The following ZC3H7B variants were observed in gnomAD, a reference collection of about 807,000 sequenced individuals.
ZC3H7B encodes zinc finger CCCH-type containing 7B, also known as zinc finger CCCH domain-containing protein 7B.
A neutral mutation model predicts 116.0 loss-of-function variants in ZC3H7B; 35 were observed. The observed-to-expected ratio is 0.30, with a 90% CI of 0.23 to 0.40. The LOEUF is 0.40. Ranked by LOEUF, ZC3H7B falls within the 10% of genes least tolerant of loss-of-function variation. The pLI is 1.00. For synonymous variants in ZC3H7B, 502 were observed against 545.6 expected, an observed-to-expected ratio of 0.92 and a Z score of 1.11; for missense variants, 1,011 against 1,321.5, an observed-to-expected ratio of 0.77 and a Z score of 3.64.
intron 10 of ZC3H7B, 142 bp from the exon 11 acceptor site, chr22:41,340,944 TAG>T: frequency 1.5e-6 from 1 of 685,798 alleles, no homozygotes; most frequent in Non-Finnish European, 2.4e-6. Flanking sequence ...GAGGAGAGGA[TAG>T]AGTCAGGGGT....
At position 41,356,015 on chromosome 22, in the gene ZC3H7B, A is replaced by G; in HGVS notation, c.2336A>G (p.His779Arg). The G allele has an allele frequency of 6.4e-7, 1 of 1,569,638 alleles. No homozygotes were observed. The highest frequency in any genetic ancestry group is 8.6e-7 in the Non-Finnish European group (1 of 1,160,120). The change falls in exon 20 of 23, where the codon CAC becomes CGC. Residue 779 changes from histidine (H) to arginine (R), a missense_variant. This residue lies in a region of ZC3H7B where 406 missense variants were observed against 590.2 expected (regional missense o/e 0.69). Coordinates refer to ENST00000352645, the MANE Select transcript of ZC3H7B (RefSeq NM_017590.6). ...CQYVGNCSFAHSPEERDMWTF... is the reference protein window; with the variant it reads ...CQYVGNCSFARSPEERDMWTF... The stretch of plus-strand genomic sequence containing the variant: ...TATGTGGGGAACTGCTCCTTCGCAC[A>G]CAGCCCGGAGGAGAGGGACATGTGG...
At chr22:41,343,687 C>T in intron 13 of ZC3H7B, 111 bp downstream of exon 13, 4 of 1,379,898 alleles carry the variant, frequency 2.9e-6, no homozygotes, top group Non-Finnish European at 3.8e-6. Flanking sequence ...GGCCTCACAG[C>T]TGCACGGGAG....
chr22:41,310,271 A>G (rs1169084276), intron 1 of ZC3H7B, among the ~76,000 whole-genome samples: 1 of 152,214 alleles, frequency 6.6e-6, no homozygotes, highest in Non-Finnish European at 1.5e-5. Flanking sequence ...TACAGCACCC[A>G]GTTTAGCAGA....
At chr22:41,350,528 T>C (rs894198571) in intron 16 of ZC3H7B, among the ~76,000 whole-genome samples, 1 of 151,536 alleles carries the variant, frequency 6.6e-6, no homozygotes, top group African/African-American at 2.4e-5. Context: ...AGATTCTAGG[T>C]GTATTTTGAG....
rs767698786 is a variant in ZC3H7B at position 41,356,730 on chromosome 22, A to G, written c.2603A>G (p.Glu868Gly). ...QQHIQSEKHK[E>G]KVFTSDSDAS... ...CACATCCAGTCCGAGAAGCACAAGG[A>G]GAAGGTCTTCACGTCCGACAGTGAC... Residue 868 changes from glutamate to glycine, a missense_variant, in exon 22 of 23, where the codon GAG (glutamate) becomes GGG (glycine). Physicochemically the swap from Glu to Gly is moderately conservative, Grantham distance 98. Around this residue, in one of 5 missense-constraint regions of ZC3H7B, gnomAD observed 406 missense variants for 590.2 expected, o/e 0.69. Transcript: ENST00000352645. 1 of 1,613,706 alleles carries G rather than the reference A, an allele frequency of 6.2e-7. No individual in the cohort carries two copies. Among genetic ancestry groups the G allele is most frequent in the South Asian group, 1.1e-5 (1 of 91,088 alleles).
At chr22:41,332,772 T>C (rs894475309) in intron 7 of ZC3H7B, 1 of 152,810 alleles carries the variant, frequency 6.5e-6, no homozygotes, top group African/African-American at 2.4e-5. Flanking sequence ...GGTCCTTCAG[T>C]TTCTGCATTC....
rs1437805594 is a variant in ZC3H7B at position 41,327,874 on chromosome 22, A to G, written c.444+510A>G. Among the ~76,000 whole-genome samples, 1 of 152,250 alleles carries G rather than the reference A, an allele frequency of 6.6e-6. No homozygotes were observed. Among genetic ancestry groups the G allele is most frequent in the Admixed American group, 6.5e-5 (1 of 15,282 alleles). On this transcript the variant is annotated intron_variant, in intron 5 of 22. Transcript: ENST00000352645. This position sits in a 1 kb window ranked among gnomAD's most constrained non-coding sequence, Gnocchi z 4.5. ...CACAGTGGCTCATGCCTGTAATCCC[A>G]GCACTGTGGGAGGCCAAGGCGGGAG...
At chr22:41,333,672 C>T (rs1050451156) in intron 7 of ZC3H7B, 18 of 152,120 alleles carry the variant, frequency 1.2e-4, no homozygotes, top group African/African-American at 4.1e-4. Flanking sequence ...GGTGCTCCAA[C>T]GAGAAAACAT....
intron 7 of ZC3H7B, chr22:41,336,077 C>T (rs1422355242): frequency 6.6e-6 from 1 of 152,414 alleles, no homozygotes; most frequent in Non-Finnish European, 1.5e-5. Flanking sequence ...CAGGGCCTCA[C>T]CAGGGAAGCA....
At position 41,327,470 on chromosome 22, in the gene ZC3H7B, C is replaced by A. The variant is rs1160945857; in HGVS notation, c.444+106C>A. On this transcript the variant is annotated intron_variant, in intron 5 of 22. Coordinates refer to ENST00000352645, the MANE Select transcript of ZC3H7B (RefSeq NM_017590.6). This position sits in a 1 kb window ranked among gnomAD's most constrained non-coding sequence, Gnocchi z 4.5. ...ACCACATCCTTCTGTGTCTCACTTC[C>A]TCCCCTGTGACATGGCCATGCAGAT... 6.2e-6 allele frequency: 9 copies of A among 1,441,972 alleles called. No homozygotes were observed. The Admixed American group carries it at 1.4e-4, about 22-fold the overall frequency. 89.3% of individuals were successfully genotyped at this position (1,441,972 alleles called of 1,614,324 possible).
In ZC3H7B at chr22:41,339,022, G is replaced by C. The variant is rs760946588; in HGVS notation, c.647G>C (p.Gly216Ala). 2 of 1,593,588 alleles carry C rather than the reference G, an allele frequency of 1.3e-6. No individual in the cohort carries two copies. Among genetic ancestry groups the C allele is most frequent in the Admixed American group, 3.4e-5 (2 of 58,688 alleles). The change falls in exon 9 of 23, where the codon GGC becomes GCC. Residue 216 changes from glycine (G) to alanine (A), a missense_variant. Transcript: ENST00000352645. ...IETDCYVDPR[G>A]SPALLPSTPT... ...GCAGACTGCTACGTGGACCCTCGAG[G>C]CTCCCCAGCCCTTCTCCCCTCCACG...
intron 9 of ZC3H7B, among the ~76,000 whole-genome samples, chr22:41,339,557 C>T (rs779999589): frequency 4.1e-5 from 6 of 147,550 alleles, no homozygotes; most frequent in African/African-American, 1.3e-4. Flanking sequence ...ACCCGGGAGG[C>T]GGAGGTTGCA....
chr22:41,318,858 C>T (rs1395439497), intron 1 of ZC3H7B, among the ~76,000 whole-genome samples: 1 of 152,192 alleles, frequency 6.6e-6, no homozygotes, highest in Non-Finnish European at 1.5e-5. Flanking sequence ...CTCAGATACA[C>T]CAACAAGGCA....
chr22:41,310,902 C>T (rs569475307), intron 1 of ZC3H7B, among the ~76,000 whole-genome samples: 1 of 151,916 alleles, frequency 6.6e-6, no homozygotes, highest in South Asian at 2.1e-4. Flanking sequence ...GTAGCTGGGA[C>T]TACAGGTGCC....
chr22:41,330,231 A>G (rs117271688), intron 6 of ZC3H7B, 128 bp downstream of exon 6: 5 of 874,312 alleles, frequency 5.7e-6, no homozygotes, highest in Non-Finnish European at 7.0e-6. Flanking sequence ...GAGTGACAGC[A>G]GGTGATCTTC....
intron 13 of ZC3H7B, among the ~76,000 whole-genome samples, chr22:41,344,442 C>G (rs2036560816): frequency 1.3e-5 from 2 of 152,342 alleles, no homozygotes; most frequent in East Asian, 1.9e-4. Context: ...CCCCCTCACC[C>G]CTCTGCCCTA....
Position 41,351,369 on chromosome 22 carries a change from C to T in ZC3H7B, c.1949-192C>T, listed in dbSNP as rs1230193018. On this transcript the variant is annotated intron_variant, in intron 16 of 22. Transcript: ENST00000352645. The surrounding 1 kb of genome is among the most constrained non-coding windows in gnomAD (Gnocchi z 5.1). ...TAATTCTTTCACTTCCAGTGAGGCTCGGAGCAGGTCTTTGTTCCCATTTTG... is the reference window on the plus strand; with the variant it reads ...TAATTCTTTCACTTCCAGTGAGGCTTGGAGCAGGTCTTTGTTCCCATTTTG... Among the ~76,000 whole-genome samples, 2 of 152,196 alleles carry T rather than the reference C, an allele frequency of 1.3e-5. No individual in the cohort carries two copies. Among genetic ancestry groups the T allele is most frequent in the African/African-American group, 2.4e-5 (1 of 41,446 alleles).
rs79777892 is a variant in ZC3H7B at position 41,327,529 on chromosome 22, G to T, written c.444+165G>T. Among the ~76,000 whole-genome samples, 1 of 152,216 alleles carries T rather than the reference G, an allele frequency of 6.6e-6. No individual in the cohort carries two copies. Among genetic ancestry groups the T allele is most frequent in the Non-Finnish European group, 1.5e-5 (1 of 68,040 alleles). On this transcript the variant is annotated intron_variant, in intron 5 of 22. Coordinates refer to ENST00000352645, the MANE Select transcript of ZC3H7B (RefSeq NM_017590.6). This position sits in a 1 kb window ranked among gnomAD's most constrained non-coding sequence, Gnocchi z 4.5. ...TAACACTAGCTCCCATTCTCTGAGCGCTGACTGGGTGCCAGGCACTGCTAG... is the reference window on the plus strand; with the variant it reads ...TAACACTAGCTCCCATTCTCTGAGCTCTGACTGGGTGCCAGGCACTGCTAG...
At chr22:41,335,868 T>C (rs2036439701) in intron 7 of ZC3H7B, 1 of 152,908 alleles carries the variant, frequency 6.5e-6, no homozygotes, top group Admixed American at 6.5e-5. Flanking sequence ...TGCCGTGGGA[T>C]GATACCTCGC....
Sources: gnomAD v4.1 joint callset for allele counts (sites outside exome capture counted in the v4.1 genomes callset) on GRCh38, gnomAD v4.1.1 for gene constraint, gnomAD v4.1.1 regional missense constraint, Gnocchi (gnomAD v3.1) non-coding constraint, MANE v1.5 for transcripts, NCBI Gene and HGNC (gene_info 2026-07-23, HGNC 2026-07-21) for gene names.